The following DOCK1 variants were observed in gnomAD, a reference collection of about 807,000 sequenced individuals.
The protein encoded by DOCK1 is dedicator of cytokinesis 1.
DOCK1 carries 138 observed loss-of-function variants against 262.7 expected under a neutral mutation model. The observed-to-expected ratio is 0.53, with a 90% CI of 0.46 to 0.61. The LOEUF (loss-of-function observed/expected upper bound fraction) is 0.61. Among genes scored for constraint, DOCK1 ranks in the 20% least tolerant of loss-of-function variants. The pLI, the probability that DOCK1 is intolerant of heterozygous loss-of-function variation, is 0.00. For missense variants in DOCK1, 1,908 were observed against 2,370.7 expected, an observed-to-expected ratio of 0.80 and a Z score of 4.05; for synonymous variants, 866 against 867.4, an observed-to-expected ratio of 1.00 and a Z score of 0.03.
intron 1 of DOCK1, among the ~76,000 whole-genome samples, chr10:126,962,928 A>AT (rs1253744051): frequency 0.03 from 4,528 of 150,492 alleles, 211 homozygotes; most frequent in African/African-American, 0.1. Context: ...ATCCAACTTC[A>AT]TTTTTTTTTG....
chr10:127,449,813 G>A (rs10765102), intron 51 of DOCK1, among the ~76,000 whole-genome samples: 57,599 of 152,022 alleles, frequency 0.38, 11,817 homozygotes, highest in East Asian at 0.6. Flanking sequence ...TCTGTCTTTA[G>A]TTGTTGCCAC....
At chr10:127,379,276 T>C (rs188309686) in intron 35 of DOCK1, among the ~76,000 whole-genome samples, 2 of 152,374 alleles carry the variant, frequency 1.3e-5, no homozygotes, top group African/African-American at 4.8e-5. Flanking sequence ...AACCAGACGA[T>C]ATTTTCCAGT....
At position 127,374,145 on chromosome 10, in the gene DOCK1, T is replaced by G. The variant is rs2065356791; in HGVS notation, c.3606T>G (p.Leu1202=). Residue 1202 remains leucine, a synonymous_variant, in exon 35 of 52, where the codon CTT becomes CTG. Transcript: ENST00000623213. ...VKLVVRLMER[L]LDYRTIMHDE... ...TCGTTGTGCGCTTAATGGAAAGGCT[T>G]TTGGATTATAGAACCATCATGCACG... The G allele has an allele frequency of 6.2e-7, 1 of 1,613,844 alleles. No individual in the cohort carries two copies. The highest frequency in any genetic ancestry group is 1.3e-5 in the African/African-American group (1 of 75,040).
At chr10:127,411,457 C>G (rs941208831) in intron 43 of DOCK1, among the ~76,000 whole-genome samples, 7 of 152,110 alleles carry the variant, frequency 4.6e-5, no homozygotes, top group African/African-American at 1.7e-4. Context: ...GTGGTGGGGA[C>G]CATCCAGTGC....
At chr10:127,104,626 G>A (rs1219880823) in intron 23 of DOCK1, among the ~76,000 whole-genome samples, 1 of 152,168 alleles carries the variant, frequency 6.6e-6, no homozygotes, top group African/African-American at 2.4e-5. Context: ...AGTGTTCAAA[G>A]TGTTACCCTA....
Position 127,128,582 on chromosome 10 carries a change from T to C in DOCK1, c.2847+818T>C, listed in dbSNP as rs551967496. Among the ~76,000 whole-genome samples, 205 of 152,186 alleles carry C rather than the reference T, an allele frequency of 1.3e-3. 1 individual carries two copies. Among genetic ancestry groups the C allele is most frequent in the African/African-American group, 4.7e-3 (196 of 41,524 alleles). ...CAGGCCCCGGTGTGTGTGGTTCTCC[T>C]CCCTGTGTGCATGTATTCTCATTGT... On this transcript the variant is annotated intron_variant, in intron 27 of 51. Transcript: ENST00000623213.
At chr10:127,378,847 T>C (rs1225977682) in intron 35 of DOCK1, among the ~76,000 whole-genome samples, 1 of 152,222 alleles carries the variant, frequency 6.6e-6, no homozygotes, top group African/African-American at 2.4e-5. Context: ...AGCCGTGTCA[T>C]ATGAACTGGA....
chr10:127,338,182 A>C (rs1039168672), intron 29 of DOCK1, among the ~76,000 whole-genome samples: 3 of 152,218 alleles, frequency 2.0e-5, no homozygotes, highest in Non-Finnish European at 4.4e-5. Flanking sequence ...TTCCTCTTAC[A>C]TCCTGCCTTT....
At chr10:126,948,356 G>T (rs2035772472) in intron 1 of DOCK1, among the ~76,000 whole-genome samples, 1 of 82,990 alleles carries the variant, frequency 1.2e-5, no homozygotes, top group Non-Finnish European at 2.5e-5. Flanking sequence ...TGGTGATGGT[G>T]GTGGTTGGTA....
intron 3 of DOCK1, among the ~76,000 whole-genome samples, chr10:126,978,737 A>G (rs890151526): frequency 1.3e-5 from 2 of 152,156 alleles, no homozygotes; most frequent in African/African-American, 4.8e-5. Flanking sequence ...ATTATGTTTG[A>G]CGGATGGTTC....
intron 27 of DOCK1, among the ~76,000 whole-genome samples, chr10:127,182,887 G>A (rs182821074): frequency 2.0e-5 from 3 of 152,160 alleles, no homozygotes; most frequent in East Asian, 1.9e-4. Context: ...GACCCTGGAG[G>A]CTTCCTGGTG....
chr10:126,921,885 C>T (rs2033235502), intron 1 of DOCK1, among the ~76,000 whole-genome samples: 1 of 151,936 alleles, frequency 6.6e-6, no homozygotes, highest in South Asian at 2.1e-4. Context: ...CTCCTGACCT[C>T]AGGTGATCCA....
intron 37 of DOCK1, among the ~76,000 whole-genome samples, chr10:127,383,304 A>G (rs569007403): frequency 1.3e-5 from 2 of 152,338 alleles, no homozygotes; most frequent in African/African-American, 4.8e-5. Context: ...TTCATTTGCA[A>G]AAGTGATTTA....
intron 27 of DOCK1, among the ~76,000 whole-genome samples, chr10:127,164,550 C>G (rs1006094685): frequency 6.6e-6 from 1 of 152,104 alleles, no homozygotes; most frequent in Non-Finnish European, 1.5e-5. Context: ...TCCTTTTTCA[C>G]AGAGCCATCA....
Position 127,237,092 on chromosome 10 carries a change from C to T in DOCK1, c.2848-10916C>T, listed in dbSNP as rs550832878. ...AAAAAATATTGGCCGGGCGCGGTGA[C>T]TCTCGCCTGTAATCCCAGCACTTTG... On this transcript the variant is annotated intron_variant, in intron 27 of 51. Transcript: ENST00000623213. Among the ~76,000 whole-genome samples the T allele has an allele frequency of 2.2e-3, 342 of 152,314 alleles. 5 individuals carry two copies. Among genetic ancestry groups the T allele is most frequent in the African/African-American group, 7.9e-3 (327 of 41,564 alleles).
At chr10:127,371,047 A>G (rs531080149) in intron 33 of DOCK1, among the ~76,000 whole-genome samples, 1 of 152,390 alleles carries the variant, frequency 6.6e-6, no homozygotes, top group South Asian at 2.1e-4. Context: ...GACAATGTGC[A>G]TTTATGAGGA....
chr10:127,326,327 C>T (rs1027919467), intron 29 of DOCK1, among the ~76,000 whole-genome samples: 3 of 152,216 alleles, frequency 2.0e-5, no homozygotes, highest in African/African-American at 4.8e-5. Flanking sequence ...TTCTCAAACT[C>T]GGCCAACTGC....
At chr10:127,421,408 TACTG>T (rs1384712171) in intron 46 of DOCK1, among the ~76,000 whole-genome samples, 20 of 152,304 alleles carry the variant, frequency 1.3e-4, no homozygotes, top group African/African-American at 4.6e-4. Context: ...TAAGTGCTTA[TACTG>T]ATATGTAAAC....
At chr10:127,340,156 T>A (rs2063369831) in intron 30 of DOCK1, among the ~76,000 whole-genome samples, 1 of 152,206 alleles carries the variant, frequency 6.6e-6, no homozygotes, top group Non-Finnish European at 1.5e-5. Context: ...TATCTAAACA[T>A]GTTACTTGTT....
Sources: allele counts gnomAD v4.1 joint callset (sites outside exome capture counted in the v4.1 genomes callset), GRCh38; gene constraint gnomAD v4.1.1; transcripts MANE v1.5; gene names NCBI Gene and HGNC (gene_info 2026-07-23, HGNC 2026-07-21).